Variants in ABCC6 observed in about 807,000 individuals in gnomAD.
ABCC6 encodes the protein ATP-binding cassette sub-family C member 6.
Under a neutral mutation model 169.5 loss-of-function variants are expected in ABCC6, and 126 were observed. The observed-to-expected ratio is 0.74, with a 90% CI of 0.64 to 0.86. ABCC6 has a LOEUF of 0.86. Among genes scored for constraint, ABCC6 ranks in the 40% least tolerant of loss-of-function variants. The pLI, the probability that ABCC6 is intolerant of heterozygous loss-of-function variation, is 0.00. For missense variants in ABCC6, 1,733 were observed against 1,927.2 expected, an observed-to-expected ratio of 0.90 and a Z score of 1.89; for synonymous variants, 752 against 814.7, an observed-to-expected ratio of 0.92 and a Z score of 1.31.
intron 26 of ABCC6, 40 bp downstream of exon 26, chr16:16,159,442 T>G: frequency 6.1e-6 from 9 of 1,478,902 alleles, no homozygotes; most frequent in Non-Finnish European, 7.5e-6. Context: ...CCCCACAATA[T>G]GTCCTTGCTG....
chr16:16,166,573 A>G (rs1410457473), intron 22 of ABCC6, among the ~76,000 whole-genome samples: 3 of 151,488 alleles, frequency 2.0e-5, no homozygotes, highest in African/African-American at 7.3e-5. Flanking sequence ...CCTGGGGCGT[A>G]TTCTCCATCA....
chr16:16,152,816 A>G (rs548905082), intron 29 of ABCC6, among the ~76,000 whole-genome samples: 1 of 152,116 alleles, frequency 6.6e-6, no homozygotes, highest in East Asian at 1.9e-4. Flanking sequence ...CTGCCTCTCT[A>G]GTGCTGGAAA....
chr16:16,171,359 C>T (rs2047059488), intron 21 of ABCC6, among the ~76,000 whole-genome samples: 1 of 152,212 alleles, frequency 6.6e-6, no homozygotes, highest in Non-Finnish European at 1.5e-5. Context: ...GTTGGGATTA[C>T]AGGCATGAGC....
At chr16:16,150,799 G>A (rs753113929) in intron 29 of ABCC6, 27 bp from the exon 30 acceptor site, 3 of 1,610,584 alleles carry the variant, frequency 1.9e-6, no homozygotes, top group Non-Finnish European at 2.5e-6. Flanking sequence ...CAATTAGCTG[G>A]GACGTGCGTT....
intron 25 of ABCC6, among the ~76,000 whole-genome samples, chr16:16,160,804 C>CA (rs2046692406): frequency 6.6e-6 from 1 of 152,016 alleles, no homozygotes; most frequent in Non-Finnish European, 1.5e-5. Flanking sequence ...GATCCTGTCT[C>CA]AAACAGCAAC....
chr16:16,207,997 G>A (rs1307416074), intron 7 of ABCC6, among the ~76,000 whole-genome samples: 5 of 151,542 alleles, frequency 3.3e-5, no homozygotes, highest in Admixed American at 3.3e-4. Context: ...TAAGCTATGA[G>A]CTGGGGCTAA....
At chr16:16,192,592 A>C (rs2047898377) in intron 11 of ABCC6, among the ~76,000 whole-genome samples, 1 of 152,114 alleles carries the variant, frequency 6.6e-6, no homozygotes, top group Non-Finnish European at 1.5e-5. Flanking sequence ...GATGTGAGAG[A>C]AAAAGGCATT....
intron 26 of ABCC6, among the ~76,000 whole-genome samples, chr16:16,158,916 A>G (rs937265866): frequency 6.6e-6 from 1 of 151,396 alleles, no homozygotes; most frequent in African/African-American, 2.4e-5. Flanking sequence ...TTACTATTGC[A>G]TTGCTATGTT....
chr16:16,171,434 T>A (rs2047062378), intron 21 of ABCC6, among the ~76,000 whole-genome samples: 1 of 152,202 alleles, frequency 6.6e-6, no homozygotes. Flanking sequence ...GCTTACTTAT[T>A]AGCATAATTA....
chr16:16,182,356 C>A, intron 17 of ABCC6, 56 bp downstream of exon 17: 1 of 1,607,010 alleles, frequency 6.2e-7, no homozygotes, highest in South Asian at 1.1e-5. Context: ...GTCGGGGACC[C>A]AAATGACTCC....
At chr16:16,180,270 C>T (rs2047424743) in intron 17 of ABCC6, among the ~76,000 whole-genome samples, 1 of 152,264 alleles carries the variant, frequency 6.6e-6, no homozygotes, top group Admixed American at 6.5e-5. Flanking sequence ...GGTTGGGGAC[C>T]CCTGCTGTAG....
intron 19 of ABCC6, among the ~76,000 whole-genome samples, chr16:16,177,021 G>A (rs1188146609): frequency 1.3e-5 from 2 of 152,260 alleles, no homozygotes; most frequent in Non-Finnish European, 2.9e-5. Flanking sequence ...TAGCTAGCAT[G>A]GTGTAGCTTG....
intron 6 of ABCC6, among the ~76,000 whole-genome samples, chr16:16,211,139 C>T (rs2048603225): frequency 6.7e-6 from 1 of 149,570 alleles, no homozygotes; most frequent in Non-Finnish European, 1.5e-5. Context: ...CAGTGGGTCA[C>T]ACCTGTAATC....
intron 6 of ABCC6, 148 bp downstream of exon 6, chr16:16,212,037 T>C: frequency 1.6e-6 from 1 of 610,256 alleles, no homozygotes; most frequent in South Asian, 1.7e-5. Context: ...TGGTAGACAC[T>C]GAACACGAAG....
chr16:16,182,087 A>G (rs914470516), intron 17 of ABCC6, among the ~76,000 whole-genome samples: 3 of 152,156 alleles, frequency 2.0e-5, no homozygotes, highest in Admixed American at 6.5e-5. Context: ...AGAGAGGGGA[A>G]GCAATTACAC....
chr16:16,163,197 G>C lies in ABCC6; in HGVS notation c.3307-5C>G, dbSNP rs781312345. ...TGAGCTAACCACATACAGGCTCTGA[G>C]AAGGATGGATGGGAGAGGGAAGAGG... On this transcript the variant is annotated splice_region_variant and splice_polypyrimidine_tract_variant and intron_variant, in intron 23 of 30. Coordinates refer to ENST00000205557, the MANE Select transcript of ABCC6 (RefSeq NM_001171.6). 1 of 1,612,920 alleles carries C rather than the reference G, an allele frequency of 6.2e-7. No homozygotes were observed. The highest frequency in any genetic ancestry group is 8.5e-7 in the Non-Finnish European group (1 of 1,179,914).
rs528273605 is a variant in ABCC6, at chr16:16,189,837, C to G, written c.1635+327G>C. Among the ~76,000 whole-genome samples, 5 of 152,290 alleles carry G rather than the reference C, an allele frequency of 3.3e-5. No individual in the cohort carries two copies. The East Asian group carries it at 9.6e-4, about 29-fold the overall frequency. On this transcript the variant is annotated intron_variant, in intron 12 of 30. Transcript: ENST00000205557. ...GTGACAGGGTGGCTATGGACATCTG[C>G]TGGCCAGGATCAGGGAAGTCACTCT... is the stretch of plus-strand genomic sequence containing the variant.
At chr16:16,151,047 G>A (rs1243400590) in intron 29 of ABCC6, among the ~76,000 whole-genome samples, 1 of 152,056 alleles carries the variant, frequency 6.6e-6, no homozygotes, top group African/African-American at 2.4e-5. Context: ...TCTGTTTATG[G>A]CTCTTTTTTT....
chr16:16,216,706 G>C (rs2048888786), intron 4 of ABCC6, among the ~76,000 whole-genome samples: 1 of 139,192 alleles, frequency 7.2e-6, no homozygotes, highest in South Asian at 2.4e-4. Context: ...TTGTGTTCGG[G>C]CGTGTGATTT....
Sources: gnomAD v4.1 joint callset for allele counts (sites outside exome capture counted in the v4.1 genomes callset) on GRCh38, gnomAD v4.1.1 for gene constraint, MANE v1.5 for transcripts, NCBI Gene and HGNC (gene_info 2026-07-23, HGNC 2026-07-21) for gene names.